The following PDE10A variants were observed in gnomAD, a reference collection of about 807,000 sequenced individuals.
PDE10A encodes the protein cAMP and cAMP-inhibited cGMP 3',5'-cyclic phosphodiesterase 10A.
Under a neutral mutation model 97.7 loss-of-function variants are expected in PDE10A, and 39 were observed. The observed-to-expected ratio is 0.40, with a 90% CI of 0.31 to 0.52. The LOEUF (loss-of-function observed/expected upper bound fraction) is 0.52, where lower values mean the gene tolerates loss of function less well. Among genes scored for constraint, PDE10A ranks in the 20% least tolerant of loss-of-function variants. PDE10A has a pLI of 0.56. For missense variants in PDE10A, 731 were observed against 1,047.8 expected, an observed-to-expected ratio of 0.70 and a Z score of 4.17; for synonymous variants, 371 against 376.8, an observed-to-expected ratio of 0.98 and a Z score of 0.18.
chr6:165,856,107 C>T (rs1039765679), intron 1 of PDE10A, among the ~76,000 whole-genome samples: 3 of 152,162 alleles, frequency 2.0e-5, no homozygotes, highest in African/African-American at 7.2e-5. Context: ...AGCCTCAAGG[C>T]CTCTGATGCA....
At chr6:165,599,612 G>A (rs1583620281) in intron 1 of PDE10A, among the ~76,000 whole-genome samples, 1 of 152,020 alleles carries the variant, frequency 6.6e-6, no homozygotes, top group East Asian at 1.9e-4. Flanking sequence ...ACAGCCTCAG[G>A]GTCTTTAAAC....
chr6:165,834,342 A>T (rs905576418), intron 1 of PDE10A, among the ~76,000 whole-genome samples: 1 of 152,214 alleles, frequency 6.6e-6, no homozygotes, highest in South Asian at 2.1e-4. Context: ...TTTCTACTCT[A>T]CACAGCACCC....
chr6:165,767,703 T>C (rs529336940), intron 1 of PDE10A, among the ~76,000 whole-genome samples: 1 of 152,328 alleles, frequency 6.6e-6, no homozygotes, highest in East Asian at 1.9e-4. Context: ...ACATTTGGAT[T>C]TTTTTCCACT....
intron 2 of PDE10A, among the ~76,000 whole-genome samples, chr6:165,496,176 C>T (rs543432651): frequency 6.6e-6 from 1 of 152,158 alleles, no homozygotes; most frequent in East Asian, 1.9e-4. Context: ...CGCAAGTGTG[C>T]CTGCCATACT....
chr6:165,727,894 A>G (rs900025151), intron 1 of PDE10A, among the ~76,000 whole-genome samples: 11 of 152,246 alleles, frequency 7.2e-5, no homozygotes, highest in African/African-American at 2.7e-4. Context: ...TAAGTTTGCA[A>G]AAGTGAGCAT....
chr6:165,527,655 C>T (rs1172708929), intron 2 of PDE10A, among the ~76,000 whole-genome samples: 1 of 152,144 alleles, frequency 6.6e-6, no homozygotes, highest in East Asian at 1.9e-4. Flanking sequence ...ACCCATCTAG[C>T]CATAAAGTGG....
chr6:165,579,806 A>C (rs1166073366), intron 1 of PDE10A, among the ~76,000 whole-genome samples: 1 of 152,154 alleles, frequency 6.6e-6, no homozygotes, highest in Non-Finnish European at 1.5e-5. Flanking sequence ...CTAGGCATAC[A>C]TCCACATCCT....
intron 1 of PDE10A, among the ~76,000 whole-genome samples, chr6:165,937,780 C>T (rs1421527474): frequency 6.6e-6 from 1 of 152,172 alleles, no homozygotes; most frequent in African/African-American, 2.4e-5. Context: ...CACACACATA[C>T]ACACACAGAT....
intron 1 of PDE10A, among the ~76,000 whole-genome samples, chr6:165,857,369 C>T (rs1040652820): frequency 2.0e-5 from 3 of 152,226 alleles, no homozygotes; most frequent in African/African-American, 7.2e-5. Flanking sequence ...CTGAAGGTTT[C>T]CATTCCTTCC....
chr6:165,455,339 G>T (rs1698922879), intron 3 of PDE10A, among the ~76,000 whole-genome samples: 2 of 152,050 alleles, frequency 1.3e-5, no homozygotes, highest in Admixed American at 1.3e-4. Flanking sequence ...ACACCCTCTG[G>T]TGACTGCAGT....
At chr6:165,750,902 T>C (rs1792983314) in intron 1 of PDE10A, among the ~76,000 whole-genome samples, 1 of 152,170 alleles carries the variant, frequency 6.6e-6, no homozygotes, top group Non-Finnish European at 1.5e-5. Context: ...GCATGTCTGT[T>C]ATTGTGTCCT....
chr6:165,398,499 CAAA>C (rs376168637), intron 13 of PDE10A, among the ~76,000 whole-genome samples: 3 of 90,778 alleles, frequency 3.3e-5, no homozygotes, highest in Non-Finnish European at 2.1e-5. Flanking sequence ...CTCTCTCTCT[CAAA>C]AAAAAAAAAA....
At chr6:165,971,139 C>CAA (rs561166750) in intron 1 of PDE10A, among the ~76,000 whole-genome samples, 102 of 140,466 alleles carry the variant, frequency 7.3e-4, no homozygotes, top group Middle Eastern at 7.2e-3. Flanking sequence ...CAGAGGGAGA[C>CAA]AAAAAAAAAA....
intron 21 of PDE10A, among the ~76,000 whole-genome samples, chr6:165,333,995 C>A (rs1029978372): frequency 6.6e-6 from 1 of 152,178 alleles, no homozygotes; most frequent in Admixed American, 6.5e-5. Flanking sequence ...TAAAATATAA[C>A]TGAAAAGTGT....
intron 1 of PDE10A, among the ~76,000 whole-genome samples, chr6:165,574,203 T>C (rs1785192182): frequency 6.6e-6 from 1 of 152,110 alleles, no homozygotes; most frequent in Admixed American, 6.5e-5. Flanking sequence ...CCACTCCTAC[T>C]TATGCAAATA....
intron 3 of PDE10A, among the ~76,000 whole-genome samples, chr6:165,456,139 T>G (rs1209997944): frequency 6.6e-6 from 1 of 152,218 alleles, no homozygotes; most frequent in East Asian, 1.9e-4. Flanking sequence ...TTATTCCACT[T>G]ATTCCAACCA....
At chr6:165,415,844 A>G (rs1172475816) in intron 12 of PDE10A, among the ~76,000 whole-genome samples, 1 of 152,220 alleles carries the variant, frequency 6.6e-6, no homozygotes, top group Admixed American at 6.5e-5. Context: ...GCAGCCTTTG[A>G]GCATATGATT....
At position 165,610,046 on chromosome 6, in the gene PDE10A, G is replaced by A. The variant is rs192382135; in HGVS notation, c.865+51901C>T. On this transcript the variant is annotated intron_variant, in intron 1 of 21. Transcript: ENST00000539869. ...ATGGAACCAAAAAAGAGCCCGCTTTGCCAAGTCAATCCTAAGCCAAAAGTA... is the reference window on the plus strand; with the variant it reads ...ATGGAACCAAAAAAGAGCCCGCTTTACCAAGTCAATCCTAAGCCAAAAGTA... Among the ~76,000 whole-genome samples, 1,487 of 152,280 alleles carry A rather than the reference G, an allele frequency of 9.8e-3. 12 individuals are homozygous for A. The highest frequency in any genetic ancestry group is 0.027 in the Middle Eastern group (8 of 294).
rs1233760874 is a variant in PDE10A at position 165,336,172 on chromosome 6, T to C, written c.3016A>G (p.Thr1006Ala). The part of the protein sequence containing the change: ...YNAVAIPCYT[T>A]LTQILPPTEP... ...GTGGGAGGGAGGATCTGGGTAAGGG[T>C]TGTATAGCAGGGAATGGCCACGGCA... Residue 1006 changes from threonine to alanine, a missense_variant, in exon 21 of 22, where the codon ACC becomes GCC. Physicochemically the swap from Thr to Ala is moderately conservative, Grantham distance 58. Transcript: ENST00000539869. The C allele has an allele frequency of 6.2e-7, 1 of 1,613,836 alleles. No individual in the cohort carries two copies. Among genetic ancestry groups the C allele is most frequent in the South Asian group, 1.1e-5 (1 of 91,054 alleles).
Sources: allele counts gnomAD v4.1 joint callset (sites outside exome capture counted in the v4.1 genomes callset), GRCh38; gene constraint gnomAD v4.1.1; transcripts MANE v1.5; gene names NCBI Gene and HGNC (gene_info 2026-07-23, HGNC 2026-07-21).